The following NTM variants were observed in gnomAD, a reference collection of about 807,000 sequenced individuals.
NTM encodes IgLON family member 2.
In NTM, 13 loss-of-function variants were observed where a neutral mutation model predicts 42.1. The observed-to-expected ratio is 0.31, with a 90% CI of 0.20 to 0.49. NTM has a LOEUF of 0.49. NTM is among the 20% of genes least tolerant of loss of function. NTM has a pLI of 0.99. For missense variants in NTM, 373 were observed against 452.8 expected (o/e 0.82, Z 1.60); for synonymous variants, 187 against 179.2 (o/e 1.04, Z -0.35).
chr11:132,036,777 T>C (rs1228623245), intron 2 of NTM, among the ~76,000 whole-genome samples: 1 of 152,202 alleles, frequency 6.6e-6, no homozygotes, highest in Non-Finnish European at 1.5e-5. Flanking sequence ...TCCTTGTTTT[T>C]ATTAATTAAG....
At chr11:132,310,078 G>C (rs566582074) in intron 5 of NTM, 34 bp from the exon 6 acceptor site, 64 of 1,540,534 alleles carry the variant, frequency 4.2e-5, no homozygotes, top group East Asian at 1.6e-4. Flanking sequence ...AAAAAAAGGT[G>C]GGGGGGCGGC....
intron 3 of NTM, among the ~76,000 whole-genome samples, chr11:132,168,318 C>T (rs2075599793): frequency 6.6e-6 from 1 of 152,202 alleles, no homozygotes; most frequent in Admixed American, 6.5e-5. Context: ...CCCAGTTGAC[C>T]TTGCCTGGAT....
chr11:131,573,183 C>T (rs1461851027), intron 1 of NTM, among the ~76,000 whole-genome samples: 1 of 152,180 alleles, frequency 6.6e-6, no homozygotes, highest in Admixed American at 6.5e-5. Flanking sequence ...GCCCGGAGCC[C>T]ATGTCATCTT....
intron 1 of NTM, among the ~76,000 whole-genome samples, chr11:131,728,835 A>G (rs1431600827): frequency 6.6e-6 from 1 of 152,158 alleles, no homozygotes; most frequent in Non-Finnish European, 1.5e-5. Flanking sequence ...ACAAGTCCCT[A>G]TACTGAAGCT....
chr11:131,903,289 T>C (rs1300862876), intron 1 of NTM, among the ~76,000 whole-genome samples: 3 of 152,240 alleles, frequency 2.0e-5, no homozygotes, highest in African/African-American at 7.2e-5. Context: ...GCATAGACTG[T>C]ATCTAGATAG....
At position 131,821,144 on chromosome 11, in the gene NTM, G is replaced by A. The variant is rs148358034; in HGVS notation, c.83-90420G>A. On this transcript the variant is annotated intron_variant, in intron 1 of 8. Transcript: ENST00000683400. ...TGGCCAGGAAGGCAACAGCAATGAG[G>A]AAAGGAAAATTACTTCCCCCTAGTT... is the stretch of plus-strand genomic sequence containing the variant. Among the ~76,000 whole-genome samples the A allele has an allele frequency of 5.8e-3, 889 of 152,222 alleles. 4 individuals carry two copies. Among genetic ancestry groups the A allele is most frequent in the Middle Eastern group, 0.037 (11 of 294 alleles).
chr11:131,690,273 A>C lies in NTM; in HGVS notation c.83-221291A>C, dbSNP rs368369346. Among the ~76,000 whole-genome samples, 8 of 152,298 alleles carry C rather than the reference A, an allele frequency of 5.3e-5. No homozygotes were observed. In the East Asian group the frequency reaches 7.7e-4, roughly 15 times the overall value. On this transcript the variant is annotated intron_variant, in intron 1 of 8. Coordinates refer to ENST00000683400, the MANE Select transcript of NTM (RefSeq NM_001352005.2). ...ATATTTCATTAGGAATATGAACAAA[A>C]CTGTCAGAATTCCAGAAATCGAGGG... is the stretch of plus-strand genomic sequence containing the variant.
intron 2 of NTM, among the ~76,000 whole-genome samples, chr11:132,071,310 C>T (rs1325464170): frequency 1.5e-5 from 2 of 129,168 alleles, no homozygotes; most frequent in Non-Finnish European, 3.2e-5. Context: ...CAAGTTAACA[C>T]GTCACACTGA....
At chr11:132,218,308 T>A (rs1478700383) in intron 4 of NTM, among the ~76,000 whole-genome samples, 2 of 152,166 alleles carry the variant, frequency 1.3e-5, no homozygotes, top group Admixed American at 6.5e-5. Flanking sequence ...GCAAAAGTTT[T>A]TCTAAATCCA....
At chr11:132,201,475 G>A (rs550167627) in intron 3 of NTM, among the ~76,000 whole-genome samples, 2 of 152,290 alleles carry the variant, frequency 1.3e-5, no homozygotes, top group African/African-American at 2.4e-5. Flanking sequence ...GAGGCCTTGC[G>A]GTTGAGCCTC....
chr11:131,479,898 TA>T (rs533094928), intron 1 of NTM, among the ~76,000 whole-genome samples: 8 of 152,026 alleles, frequency 5.3e-5, no homozygotes, highest in South Asian at 2.1e-4. Context: ...AATTTTTTTT[TA>T]AAAAAATCAA....
At chr11:132,191,065 T>C (rs2079240766) in intron 3 of NTM, among the ~76,000 whole-genome samples, 1 of 152,146 alleles carries the variant, frequency 6.6e-6, no homozygotes, top group African/African-American at 2.4e-5. Context: ...TAGACTTGGA[T>C]AGTATTTACC....
chr11:131,373,285 T>C (rs751666469), intron 1 of NTM, among the ~76,000 whole-genome samples: 9 of 152,214 alleles, frequency 5.9e-5, no homozygotes, highest in Admixed American at 5.9e-4. Context: ...TGGGACTAGT[T>C]AGAATGCAGC....
At chr11:131,638,980 A>C (rs1189828883) in intron 1 of NTM, among the ~76,000 whole-genome samples, 3 of 152,334 alleles carry the variant, frequency 2.0e-5, no homozygotes, top group African/African-American at 7.2e-5. Context: ...TTCAATCTTC[A>C]CAGCACCTTC....
intron 1 of NTM, chr11:131,538,436 A>C (rs1487593753): frequency 4.6e-5 from 7 of 152,188 alleles, no homozygotes; most frequent in Non-Finnish European, 1.0e-4. Flanking sequence ...CAAGTCAAGA[A>C]TCCTACCACG....
intron 1 of NTM, among the ~76,000 whole-genome samples, chr11:131,492,384 A>G (rs1388499730): frequency 1.7e-5 from 2 of 119,234 alleles, no homozygotes; most frequent in Admixed American, 9.5e-5. Flanking sequence ...GTGTATTAAT[A>G]AATTTCAGCT....
At chr11:131,896,674 T>G (rs970622696) in intron 1 of NTM, among the ~76,000 whole-genome samples, 1 of 149,856 alleles carries the variant, frequency 6.7e-6, no homozygotes, top group Non-Finnish European at 1.5e-5. Context: ...GGAGTACATT[T>G]TAGGCTTTTT....
chr11:131,441,054 T>G (rs2135976529), intron 1 of NTM, among the ~76,000 whole-genome samples: 1 of 152,254 alleles, frequency 6.6e-6, no homozygotes. Flanking sequence ...TATAGATTGT[T>G]TAAACCATTG....
chr11:131,523,455 T>C (rs1023401489), intron 1 of NTM, among the ~76,000 whole-genome samples: 4 of 152,046 alleles, frequency 2.6e-5, no homozygotes, highest in South Asian at 4.1e-4. Flanking sequence ...AATGTAGAAG[T>C]GTTGGTAGTG....
Sources: gnomAD v4.1 joint callset for allele counts (sites outside exome capture counted in the v4.1 genomes callset) on GRCh38, gnomAD v4.1.1 for gene constraint, MANE v1.5 for transcripts, NCBI Gene and HGNC (gene_info 2026-07-23, HGNC 2026-07-21) for gene names.